Variants in PCSK6 observed in about 807,000 individuals in gnomAD.
PCSK6 encodes proprotein convertase subtilisin/kexin type 6.
In PCSK6, 85 loss-of-function variants were observed where a neutral mutation model predicts 123.3. The ratio of observed to expected loss-of-function variants is 0.69; its 90% CI spans 0.58 to 0.83. The LOEUF is 0.83. Among genes scored for constraint, PCSK6 ranks in the 40% least tolerant of loss-of-function variants. PCSK6 has a pLI of 0.00. For missense variants in PCSK6, 1,191 were observed against 1,282.3 expected (o/e 0.93, Z 1.09); for synonymous variants, 508 against 516.0 (o/e 0.98, Z 0.21).
chr15:101,393,451 A>G (rs1179674547), intron 7 of PCSK6, 27 bp from the exon 8 acceptor site: 3 of 1,582,524 alleles, frequency 1.9e-6, no homozygotes, highest in Non-Finnish European at 2.6e-6. Flanking sequence ...AACAAGGCTT[A>G]GCCCCGCAGC....
At chr15:101,466,048 G>A (rs2057452303) in intron 1 of PCSK6, among the ~76,000 whole-genome samples, 1 of 152,036 alleles carries the variant, frequency 6.6e-6, no homozygotes, top group Admixed American at 6.6e-5. Flanking sequence ...GACAGAGAAT[G>A]TCAGAGTGGA....
intron 18 of PCSK6, among the ~76,000 whole-genome samples, chr15:101,320,188 C>T (rs1001788145): frequency 3.3e-5 from 5 of 152,198 alleles, no homozygotes; most frequent in Admixed American, 2.6e-4. Context: ...CAGGTTCAAG[C>T]GATTCTCCTG....
intron 12 of PCSK6, among the ~76,000 whole-genome samples, chr15:101,370,076 C>T (rs2041530722): frequency 6.6e-6 from 1 of 152,184 alleles, no homozygotes; most frequent in African/African-American, 2.4e-5. Context: ...GAAACAACAA[C>T]TCTTTTGTCA....
chr15:101,446,171 C>A (rs756979471), intron 1 of PCSK6, among the ~76,000 whole-genome samples: 1 of 152,278 alleles, frequency 6.6e-6, no homozygotes, highest in Non-Finnish European at 1.5e-5. Flanking sequence ...GGGAGGGACG[C>A]TCCCACTGCA....
intron 20 of PCSK6, chr15:101,307,645 C>A (rs769545501): frequency 1.0e-5 from 3 of 299,058 alleles, no homozygotes; most frequent in Non-Finnish European, 1.9e-5. Context: ...GGCACCCAGC[C>A]CCCACCCCAC....
intron 1 of PCSK6, among the ~76,000 whole-genome samples, chr15:101,488,836 G>A (rs2058084626): frequency 6.6e-6 from 1 of 151,476 alleles, no homozygotes; most frequent in Non-Finnish European, 1.5e-5. Flanking sequence ...GAGGGAGCGC[G>A]AGTCCCCGAG....
At chr15:101,399,133 T>C (rs951882178) in intron 6 of PCSK6, among the ~76,000 whole-genome samples, 2 of 152,138 alleles carry the variant, frequency 1.3e-5, no homozygotes, top group Admixed American at 1.3e-4. Flanking sequence ...ACTCCTGACC[T>C]CAAGTGATCC....
At chr15:101,347,447 G>A in intron 13 of PCSK6, 3 of 1,246,278 alleles carry the variant, frequency 2.4e-6, no homozygotes, top group Non-Finnish European at 3.0e-6. Context: ...TCACACAGAA[G>A]AGACTAATCT....
At chr15:101,311,423 G>C (rs1033117723) in intron 20 of PCSK6, among the ~76,000 whole-genome samples, 1 of 151,618 alleles carries the variant, frequency 6.6e-6, no homozygotes, top group Admixed American at 6.6e-5. Context: ...CACCGTGCCC[G>C]GCCTCCTTCC....
chr15:101,393,353 C>G lies in PCSK6; in HGVS notation c.1068G>C (p.Ser356=), dbSNP rs188547015. 1.2e-6 allele frequency: 2 copies of G among 1,607,024 alleles called. No individual in the cohort carries two copies. The highest frequency in any genetic ancestry group is 2.7e-5 in the African/African-American group (2 of 74,222). The change falls in exon 8 of 22, where the codon TCG becomes TCC. Residue 356 remains serine, a synonymous_variant. Coordinates refer to ENST00000611716, the MANE Select transcript of PCSK6 (RefSeq NM_002570.5). The part of the protein sequence containing the change: ...GNGGREGDYC[S]CDGYTNSIYT... The stretch of plus-strand genomic sequence containing the variant: ...AGATGCTGTTGGTGTAGCCATCGCA[C>G]GAGCAGTAGTCCCCCTCTCTCCCGC...
At chr15:101,346,956 G>A in intron 13 of PCSK6, 1 of 1,231,668 alleles carries the variant, frequency 8.1e-7, no homozygotes, top group Non-Finnish European at 1.0e-6. Context: ...AGGCGTCACT[G>A]TCACGGCCCC....
At chr15:101,417,299 A>C (rs189937651) in intron 6 of PCSK6, among the ~76,000 whole-genome samples, 114 of 152,284 alleles carry the variant, frequency 7.5e-4, no homozygotes, top group African/African-American at 2.4e-3. Flanking sequence ...TTTTGTTCCC[A>C]GTCTTGGGTA....
At chr15:101,465,035 G>A (rs1022989148) in intron 1 of PCSK6, among the ~76,000 whole-genome samples, 2 of 152,214 alleles carry the variant, frequency 1.3e-5, no homozygotes, top group South Asian at 2.1e-4. Context: ...ATCAGATGCC[G>A]CTTGACACAC....
At chr15:101,407,185 C>T (rs930637240) in intron 6 of PCSK6, among the ~76,000 whole-genome samples, 2 of 152,262 alleles carry the variant, frequency 1.3e-5, no homozygotes, top group East Asian at 1.9e-4. Flanking sequence ...AGTCCTGGAG[C>T]GGAATGTCGG....
chr15:101,433,422 C>T (rs551603397), intron 2 of PCSK6, among the ~76,000 whole-genome samples: 1 of 152,318 alleles, frequency 6.6e-6, no homozygotes, highest in East Asian at 1.9e-4. Context: ...GGCAGCTCCA[C>T]CTGATTGAAT....
intron 8 of PCSK6, among the ~76,000 whole-genome samples, chr15:101,391,926 T>C (rs2042245176): frequency 6.6e-6 from 1 of 152,118 alleles, no homozygotes; most frequent in South Asian, 2.1e-4. Flanking sequence ...AATTTTAAAA[T>C]AAGAAAGAAA....
At chr15:101,445,327 C>T (rs890660432) in intron 1 of PCSK6, among the ~76,000 whole-genome samples, 1 of 152,136 alleles carries the variant, frequency 6.6e-6, no homozygotes, top group African/African-American at 2.4e-5. Flanking sequence ...CTCTCAGTTT[C>T]CTTATGAGAC....
chr15:101,435,783 G>A (rs954824582), intron 2 of PCSK6, among the ~76,000 whole-genome samples: 14 of 152,208 alleles, frequency 9.2e-5, no homozygotes, highest in Non-Finnish European at 1.5e-5. Flanking sequence ...ATAAGACGAG[G>A]TAAAATCTAA....
At chr15:101,444,561 G>T (rs910650934) in intron 1 of PCSK6, among the ~76,000 whole-genome samples, 5 of 152,158 alleles carry the variant, frequency 3.3e-5, no homozygotes, top group African/African-American at 4.8e-5. Context: ...GTCCTCTACA[G>T]CAGTTCTATA....
Sources: allele counts gnomAD v4.1 joint callset (sites outside exome capture counted in the v4.1 genomes callset), GRCh38; gene constraint gnomAD v4.1.1; transcripts MANE v1.5; gene names NCBI Gene and HGNC (gene_info 2026-07-23, HGNC 2026-07-21).